Variants in LRMDA observed in about 807,000 individuals in gnomAD.
LRMDA encodes leucine-rich melanocyte differentiation-associated protein.
In LRMDA, 18 loss-of-function variants were observed where a neutral mutation model predicts 29.8. The ratio of observed to expected loss-of-function variants is 0.60; its 90% CI spans 0.42 to 0.90. The LOEUF (loss-of-function observed/expected upper bound fraction) is 0.90, where lower values mean the gene tolerates loss of function less well. Ranked by LOEUF, LRMDA falls within the 40% of genes least tolerant of loss-of-function variation. The probability of loss-of-function intolerance (pLI) is 0.00; values close to 1 mark genes in which losing one functional copy is unlikely to be tolerated. For synonymous variants in LRMDA, 125 were observed against 109.4 expected (o/e 1.14, Z -0.89); for missense variants, 273 against 273.9 (o/e 1.00, Z 0.02).
intron 2 of LRMDA, among the ~76,000 whole-genome samples, chr10:75,596,556 A>T (rs536522561): frequency 4.0e-4 from 60 of 148,932 alleles, no homozygotes; most frequent in Admixed American, 2.1e-3. Context: ...TTTTTTTTTT[A>T]AAATGACATA....
intron 5 of LRMDA, among the ~76,000 whole-genome samples, chr10:76,108,410 A>G (rs1246649488): frequency 6.6e-6 from 1 of 152,168 alleles, no homozygotes; most frequent in Non-Finnish European, 1.5e-5. Context: ...CAGTCTTCCA[A>G]TTAGAAAGCC....
At chr10:76,221,361 A>T (rs1458860988) in intron 5 of LRMDA, among the ~76,000 whole-genome samples, 3 of 152,258 alleles carry the variant, frequency 2.0e-5, no homozygotes, top group East Asian at 3.8e-4. Flanking sequence ...ATGATTGTAC[A>T]TCTAGAAAAC....
intron 6 of LRMDA, among the ~76,000 whole-genome samples, chr10:76,504,314 G>A (rs190704551): frequency 1.3e-5 from 2 of 152,024 alleles, no homozygotes; most frequent in Non-Finnish European, 1.5e-5. Flanking sequence ...GTTGCAGTTG[G>A]GTATAGTATT....
chr10:76,534,377 T>G (rs563797861), intron 6 of LRMDA, among the ~76,000 whole-genome samples: 1 of 152,168 alleles, frequency 6.6e-6, no homozygotes, highest in East Asian at 1.9e-4. Context: ...GTGGAAGGGA[T>G]GCGTGGCAGT....
chr10:75,832,068 A>G (rs543427990), intron 2 of LRMDA, among the ~76,000 whole-genome samples: 1 of 152,330 alleles, frequency 6.6e-6, no homozygotes, highest in African/African-American at 2.4e-5. Context: ...TTGGCTATTA[A>G]CATTTGGTTC....
intron 5 of LRMDA, among the ~76,000 whole-genome samples, chr10:76,084,867 G>A (rs917984525): frequency 6.6e-5 from 10 of 152,142 alleles, no homozygotes; most frequent in Non-Finnish European, 1.5e-5. Context: ...GCAGGGGTGG[G>A]ACTACAATTT....
At chr10:76,224,187 A>G (rs1298201677) in intron 5 of LRMDA, among the ~76,000 whole-genome samples, 1 of 152,002 alleles carries the variant, frequency 6.6e-6, no homozygotes. Flanking sequence ...AATTATTAAT[A>G]TATTTAAATT....
chr10:75,928,600 G>A (rs1368230976), intron 2 of LRMDA, among the ~76,000 whole-genome samples: 1 of 152,172 alleles, frequency 6.6e-6, no homozygotes, highest in African/African-American at 2.4e-5. Context: ...CGCGAGGGTA[G>A]TTACTGTTTA....
chr10:75,992,854 T>C (rs1374185444), intron 2 of LRMDA, among the ~76,000 whole-genome samples: 1 of 152,232 alleles, frequency 6.6e-6, no homozygotes, highest in Non-Finnish European at 1.5e-5. Context: ...ACACAGGTCT[T>C]GGACTCAGGT....
At chr10:75,587,647 G>T (rs1269461023) in intron 2 of LRMDA, among the ~76,000 whole-genome samples, 1 of 152,190 alleles carries the variant, frequency 6.6e-6, no homozygotes, top group Non-Finnish European at 1.5e-5. Flanking sequence ...TGACGTACTG[G>T]TCAAACCTTT....
chr10:76,250,870 C>T (rs537813185), intron 5 of LRMDA, among the ~76,000 whole-genome samples: 1 of 152,258 alleles, frequency 6.6e-6, no homozygotes, highest in African/African-American at 2.4e-5. Flanking sequence ...ACCCTCTCTG[C>T]TATCAATCAG....
At chr10:76,494,060 G>T (rs1842859228) in intron 6 of LRMDA, among the ~76,000 whole-genome samples, 1 of 151,942 alleles carries the variant, frequency 6.6e-6, no homozygotes, top group South Asian at 2.1e-4. Flanking sequence ...AGTCCCAGAA[G>T]ATTCTTTTGT....
intron 2 of LRMDA, among the ~76,000 whole-genome samples, chr10:76,035,024 C>G (rs137968619): frequency 1.6e-4 from 24 of 152,122 alleles, no homozygotes; most frequent in Admixed American, 1.6e-3. Context: ...CCCCAACACT[C>G]ATGAGAGCCC....
intron 5 of LRMDA, among the ~76,000 whole-genome samples, chr10:76,281,758 C>T (rs1281384503): frequency 6.6e-6 from 1 of 152,210 alleles, no homozygotes; most frequent in Non-Finnish European, 1.5e-5. Flanking sequence ...GCTGCCTCCA[C>T]TATTGGACAT....
At chr10:76,479,240 C>A (rs1245461730) in intron 6 of LRMDA, among the ~76,000 whole-genome samples, 2 of 151,790 alleles carry the variant, frequency 1.3e-5, no homozygotes, top group African/African-American at 2.4e-5. Flanking sequence ...GCTTTCTTAT[C>A]TTATGATAAT....
At chr10:75,923,586 C>T (rs1846063710) in intron 2 of LRMDA, among the ~76,000 whole-genome samples, 1 of 152,204 alleles carries the variant, frequency 6.6e-6, no homozygotes, top group South Asian at 2.1e-4. Context: ...AAGTGTTCCC[C>T]CTTTGCAGTG....
chr10:76,501,586 T>C (rs1003564031), intron 6 of LRMDA, among the ~76,000 whole-genome samples: 7 of 152,032 alleles, frequency 4.6e-5, no homozygotes, highest in African/African-American at 1.2e-4. Context: ...TGGTTTTCCA[T>C]TGTGGTTTTC....
chr10:76,255,404 G>A (rs1380416537), intron 5 of LRMDA, among the ~76,000 whole-genome samples: 1 of 152,126 alleles, frequency 6.6e-6, no homozygotes, highest in Admixed American at 6.6e-5. Flanking sequence ...TAGAATTTTA[G>A]AAGCATAGAT....
chr10:75,917,757 G>T (rs1369485262), intron 2 of LRMDA, among the ~76,000 whole-genome samples: 1 of 152,174 alleles, frequency 6.6e-6, no homozygotes. Flanking sequence ...GGAGCAAACA[G>T]AAGAAGTGAA....
Sources: gnomAD v4.1 joint callset for allele counts (sites outside exome capture counted in the v4.1 genomes callset) on GRCh38, gnomAD v4.1.1 for gene constraint, MANE v1.5 for transcripts, NCBI Gene and HGNC (gene_info 2026-07-23, HGNC 2026-07-21) for gene names.